PKM: variants seen among roughly 807,000 people sequenced by gnomAD.
PKM encodes the protein pyruvate kinase PKM.
A neutral mutation model predicts 49.8 loss-of-function variants in PKM; 18 were observed. The observed-to-expected ratio is 0.36, with a 90% CI of 0.25 to 0.54. The LOEUF (loss-of-function observed/expected upper bound fraction) is 0.54, where lower values mean the gene tolerates loss of function less well. PKM is among the 20% of genes least tolerant of loss of function. The pLI is 0.89. For synonymous variants in PKM, 239 were observed against 261.8 expected (o/e 0.91, Z 0.84); for missense variants, 508 against 713.8 (o/e 0.71, Z 3.28).
At chr15:72,212,736 G>A (rs1240948392) in intron 3 of PKM, among the ~76,000 whole-genome samples, 2 of 152,046 alleles carry the variant, frequency 1.3e-5, no homozygotes, top group Non-Finnish European at 2.9e-5. Flanking sequence ...GCTGTCCTGC[G>A]GAAGGCTCTA....
chr15:72,226,312 G>C (rs901986657), intron 1 of PKM, among the ~76,000 whole-genome samples: 4 of 152,138 alleles, frequency 2.6e-5, no homozygotes, highest in Non-Finnish European at 5.9e-5. Flanking sequence ...TGGATCACGA[G>C]GTCAGCAGAC....
At chr15:72,208,502 G>A in intron 6 of PKM, 119 bp downstream of exon 6, 1 of 1,016,894 alleles carries the variant, frequency 9.8e-7, no homozygotes, top group Non-Finnish European at 1.6e-6. Flanking sequence ...AGCAGGTTTG[G>A]AACTGGCTTG....
intron 8 of PKM, among the ~76,000 whole-genome samples, chr15:72,205,689 G>A (rs2082059469): frequency 6.8e-6 from 1 of 147,890 alleles, no homozygotes; most frequent in Admixed American, 6.9e-5. Context: ...AAACTTGGGG[G>A]CTTGGAGGGG....
intron 9 of PKM, chr15:72,201,374 G>C (rs1183512457): frequency 6.6e-6 from 1 of 152,264 alleles, no homozygotes; most frequent in Non-Finnish European, 1.5e-5. Flanking sequence ...GCACTTTCTT[G>C]AACACTGACA....
At chr15:72,212,152 T>C (rs2082269236) in intron 3 of PKM, among the ~76,000 whole-genome samples, 1 of 152,214 alleles carries the variant, frequency 6.6e-6, no homozygotes, top group Admixed American at 6.5e-5. Flanking sequence ...TTTTCTTGCT[T>C]ACTGGCTTGT....
intron 1 of PKM, among the ~76,000 whole-genome samples, chr15:72,223,011 CTTTT>C (rs1157298455): frequency 1.7e-3 from 250 of 143,902 alleles, no homozygotes; most frequent in African/African-American, 6.3e-3. Context: ...CTCCCTCCAA[CTTTT>C]TTTTTTTCTT....
chr15:72,218,879 T>C, intron 2 of PKM, 65 bp downstream of exon 2: 1 of 1,548,204 alleles, frequency 6.5e-7, no homozygotes, highest in Non-Finnish European at 8.9e-7. Flanking sequence ...TTAGTTACTC[T>C]TTTCAGGAGA....
In PKM at chr15:72,200,150, C is replaced by CA. The variant is rs1415860510; in HGVS notation, c.1489+323dup. On this transcript the variant is annotated intron_variant, in intron 10 of 10. Coordinates refer to ENST00000335181, the MANE Select transcript of PKM (RefSeq NM_002654.6). This position sits in a 1 kb window ranked among gnomAD's most constrained non-coding sequence, Gnocchi z 4.6. Reference sequence around the variant, plus strand: ...TTTTATTTAAAAAAAAAACAAAAAACAAAAAAAACTCTCAGTAATGAGCAG... The same window carrying CA: ...TTTTATTTAAAAAAAAAACAAAAAACAAAAAAAAACTCTCAGTAATGAGCAG... Among the ~76,000 whole-genome samples the CA allele has an allele frequency of 1.5e-4, 22 of 151,326 alleles. No individual in the cohort carries two copies. Among genetic ancestry groups the CA allele is most frequent in the Non-Finnish European group, 2.7e-4 (18 of 67,792 alleles).
At chr15:72,228,622 G>C (rs1454603897) in intron 1 of PKM, 2 of 1,284,828 alleles carry the variant, frequency 1.6e-6, no homozygotes, top group Non-Finnish European at 2.0e-6. Context: ...GAAAGGTTGA[G>C]TCATCTTCCC....
intron 3 of PKM, among the ~76,000 whole-genome samples, chr15:72,216,550 G>A (rs1227088298): frequency 6.6e-6 from 1 of 152,194 alleles, no homozygotes; most frequent in Non-Finnish European, 1.5e-5. Context: ...TTGAACCTGG[G>A]AGGTCAAGGA....
intron 8 of PKM, among the ~76,000 whole-genome samples, chr15:72,205,624 GTTTTTTTTTTTT>G (rs140232218): frequency 3.0e-5 from 3 of 99,740 alleles, no homozygotes; most frequent in Non-Finnish European, 6.1e-5. Context: ...GGGTGTTTTA[GTTTTTTTTTTTT>G]TTTTTTTTTT....
chr15:72,224,102 C>A (rs6494995), intron 1 of PKM, among the ~76,000 whole-genome samples: 144,607 of 152,208 alleles, frequency 0.95, 69,145 homozygotes, highest in East Asian at 1. Context: ...AAGTCAGAGA[C>A]CCCTCAATGT....
intron 1 of PKM, among the ~76,000 whole-genome samples, chr15:72,225,488 T>C (rs918475981): frequency 6.6e-6 from 1 of 152,194 alleles, no homozygotes; most frequent in African/African-American, 2.4e-5. Context: ...AGCCACATCA[T>C]GCATTTTGAC....
intron 1 of PKM, chr15:72,229,426 A>T: frequency 2.0e-6 from 1 of 512,248 alleles, no homozygotes; most frequent in Admixed American, 2.5e-5. Flanking sequence ...CCTTTTTGAC[A>T]ACTTCCCAAT....
At position 72,227,021 on chromosome 15, in the gene PKM, C is replaced by T. The variant is rs8192370; in HGVS notation, c.-14+4095G>A. Among the ~76,000 whole-genome samples the T allele has an allele frequency of 5.4e-3, 822 of 152,344 alleles. 14 individuals are homozygous for T. Among genetic ancestry groups the T allele is most frequent in the African/African-American group, 0.019 (777 of 41,566 alleles). ...ATGCTGCACATCACCCTCCACCACT[C>T]ACCCAGGCTCACCTTCCCCCAACAG... On this transcript the variant is annotated intron_variant, in intron 1 of 10. Transcript: ENST00000335181.
rs117899027 is a variant in PKM at position 72,217,654 on chromosome 15, G to A, written c.155-154C>T. Among the ~76,000 whole-genome samples the A allele has an allele frequency of 9.5e-4, 145 of 152,202 alleles. 1 individual carries two copies. The highest frequency in any genetic ancestry group is 2.9e-3 in the East Asian group (15 of 5,186). ...AAAAAGTGCATGGAAGGCTACTACC[G>A]TGCCAGCTTACTTTCTTGATCTACT... On this transcript the variant is annotated intron_variant, in intron 2 of 10. Transcript: ENST00000335181.
Position 72,199,583 on chromosome 15 carries a change from G to A in PKM, c.*67C>T, listed in dbSNP as rs756192452. On this transcript the variant is annotated 3_prime_UTR_variant, in exon 11 of 11. Transcript: ENST00000335181. ...GCCCAGAGTGAGTTCTACAAGCGTT[G>A]CTGGCCTAATGGATGGGCTGGGGGA... 2 of 1,110,768 alleles carry A rather than the reference G, an allele frequency of 1.8e-6. No individual in the cohort carries two copies. The highest frequency in any genetic ancestry group is 2.4e-5 in the East Asian group (1 of 42,098). The allele number at this position is 1,110,768 out of a possible 1,614,324, so 68.8% of individuals were successfully genotyped here.
chr15:72,200,780 G>A lies in PKM; in HGVS notation c.1308-125C>T. The A allele has an allele frequency of 2.5e-6, 2 of 792,370 alleles. No individual in the cohort carries two copies. Among genetic ancestry groups the A allele is most frequent in the Non-Finnish European group, 4.0e-6 (2 of 497,208 alleles). 49.1% of individuals were successfully genotyped at this position (792,370 alleles called of 1,614,324 possible). A position where few individuals can be genotyped will look rare whatever the true frequency, so the allele number is the denominator to read the frequency against. On this transcript the variant is annotated intron_variant, in intron 9 of 10. Transcript: ENST00000335181. This position sits in a 1 kb window ranked among gnomAD's most constrained non-coding sequence, Gnocchi z 4.6. Reference sequence around the variant, plus strand: ...GAGGGCTCTGGCCTCTTCAACATCTGCTCCCTAGGACCCCTCCCGAGGCTC... The same window carrying A: ...GAGGGCTCTGGCCTCTTCAACATCTACTCCCTAGGACCCCTCCCGAGGCTC...
chr15:72,203,089 T>C (rs1196922259), intron 8 of PKM: 2 of 1,613,994 alleles, frequency 1.2e-6, no homozygotes, highest in Non-Finnish European at 1.7e-6. Flanking sequence ...ACGCTGCCCA[T>C]GGCCATGGCT....
Sources: allele counts gnomAD v4.1 joint callset (sites outside exome capture counted in the v4.1 genomes callset), GRCh38; gene constraint gnomAD v4.1.1; non-coding constraint Gnocchi (gnomAD v3.1); transcripts MANE v1.5; gene names NCBI Gene and HGNC (gene_info 2026-07-23, HGNC 2026-07-21).